Variants in LOC112694756 observed in about 807,000 individuals in gnomAD.
chr16:30,067,140 C>T, the LOC112694756 span: 13 of 1,586,380 alleles, frequency 8.2e-6, no homozygotes, highest in Non-Finnish European at 1.1e-5. Context: ...AGGTAGGGAA[C>T]ATTTCCCTGA....
At chr16:30,060,910 C>T in the LOC112694756 span, among the ~76,000 whole-genome samples, 1 of 152,264 alleles carries the variant, frequency 6.6e-6, no homozygotes, top group Admixed American at 6.5e-5. Context: ...CCCCTCCCCT[C>T]ACTGCAGCCC....
the LOC112694756 span, chr16:30,066,242 G>C: frequency 6.6e-6 from 1 of 152,384 alleles, no homozygotes; most frequent in African/African-American, 2.4e-5. Context: ...GAGGCAGTGA[G>C]GGGTGGGGGC....
the LOC112694756 span, chr16:30,069,899 G>C: frequency 6.2e-7 from 1 of 1,614,180 alleles, no homozygotes; most frequent in Admixed American, 1.7e-5. Context: ...ATTAACAAGT[G>C]CCCCCTGCTG....
the LOC112694756 span, chr16:30,055,191 A>G: frequency 2.5e-6 from 1 of 399,152 alleles, no homozygotes; most frequent in Non-Finnish European, 4.4e-6. Flanking sequence ...TGCTGCGCGG[A>G]CGGTAGCTCC....
At chr16:30,067,175 T>C in the LOC112694756 span, 1 of 1,608,988 alleles carries the variant, frequency 6.2e-7, no homozygotes, top group Non-Finnish European at 8.5e-7. Flanking sequence ...GCCCTGGTCA[T>C]CGGGAGATGA....
At chr16:30,054,463 G>A in the LOC112694756 span, 9 of 224,952 alleles carry the variant, frequency 4.0e-5, no homozygotes, top group East Asian at 9.0e-5. Flanking sequence ...GACAGGAGCC[G>A]GTAATGTGGG....
chr16:30,065,311 G>A, the LOC112694756 span, among the ~76,000 whole-genome samples: 1 of 152,194 alleles, frequency 6.6e-6, no homozygotes, highest in Non-Finnish European at 1.5e-5. Context: ...GCGCGATGTG[G>A]CCCCTATGGT....
the LOC112694756 span, chr16:30,068,632 C>T: frequency 1.2e-6 from 2 of 1,614,102 alleles, no homozygotes; most frequent in East Asian, 2.2e-5. Context: ...ATGTTGTTAC[C>T]CTGACCCCAA....
At chr16:30,070,378 C>A in the LOC112694756 span, 1 of 662,232 alleles carries the variant, frequency 1.5e-6, no homozygotes, top group Non-Finnish European at 2.7e-6. Flanking sequence ...ATCACCCTTT[C>A]CGGCACACTG....
At chr16:30,066,119 T>C in the LOC112694756 span, 1 of 152,650 alleles carries the variant, frequency 6.6e-6, no homozygotes, top group Non-Finnish European at 1.5e-5. Flanking sequence ...CTGCGCGCGC[T>C]GAGTCATGGC....
the LOC112694756 span, chr16:30,066,856 A>G: frequency 6.5e-7 from 1 of 1,541,992 alleles, no homozygotes; most frequent in Non-Finnish European, 8.8e-7. Flanking sequence ...TTTACATTCT[A>G]AAATACTCCG....
chr16:30,057,943 C>A, the LOC112694756 span, among the ~76,000 whole-genome samples: 2 of 151,262 alleles, frequency 1.3e-5, no homozygotes, highest in African/African-American at 4.9e-5. Flanking sequence ...AAAAAAAAAA[C>A]CAAAGCAAAA....
At chr16:30,068,730 A>G in the LOC112694756 span, 1 of 1,614,208 alleles carries the variant, frequency 6.2e-7, no homozygotes. Context: ...CTGCCCTACG[A>G]ACCCAACCAG....
At chr16:30,068,658 G>A in the LOC112694756 span, 66 of 1,614,210 alleles carry the variant, frequency 4.1e-5, 1 homozygote, top group South Asian at 1.5e-4. Flanking sequence ...AGACAAGGGC[G>A]TGGTCCCCCT....
chr16:30,064,635 A>G, the LOC112694756 span: 1 of 395,636 alleles, frequency 2.5e-6, no homozygotes, highest in South Asian at 1.4e-4. Context: ...GGTCCCTGCC[A>G]GAGGATCCGT....
chr16:30,057,930 C>CA, the LOC112694756 span, among the ~76,000 whole-genome samples: 473 of 132,228 alleles, frequency 3.6e-3, 2 homozygotes, highest in African/African-American at 6.9e-3. Flanking sequence ...GACTCTGTCT[C>CA]AAAAAAAAAA....
the LOC112694756 span, chr16:30,055,316 C>G: frequency 1.5e-4 from 60 of 399,332 alleles, no homozygotes; most frequent in African/African-American, 1.1e-3. Context: ...CTGCCCCCAG[C>G]CCACCAGAGC....
the LOC112694756 span, among the ~76,000 whole-genome samples, chr16:30,065,135 G>T: frequency 2.0e-5 from 3 of 152,208 alleles, no homozygotes; most frequent in Non-Finnish European, 4.4e-5. Flanking sequence ...CCTGGAACTC[G>T]GATGGGGAGG....
chr16:30,069,899 G>A, the LOC112694756 span: 2 of 1,614,180 alleles, frequency 1.2e-6, no homozygotes, highest in African/African-American at 1.3e-5. Flanking sequence ...ATTAACAAGT[G>A]CCCCCTGCTG....
Sources: allele counts gnomAD v4.1 joint callset (sites outside exome capture counted in the v4.1 genomes callset), GRCh38; gene constraint gnomAD v4.1.1; transcripts MANE v1.5.